SATL1: variants seen among roughly 807,000 people sequenced by gnomAD.
The protein encoded by SATL1 is spermidine/spermine N(1)-acetyltransferase-like protein 1.
SATL1 carries 47 observed loss-of-function variants against 51.8 expected under a neutral mutation model. The observed-to-expected ratio is 0.91, with a 90% CI of 0.72 to 1.16. The LOEUF is 1.16. SATL1 is among the 50% of genes most tolerant of loss of function. The pLI is 0.00. For synonymous variants in SATL1, 176 were observed against 182.4 expected (o/e 0.97, Z 0.28); for missense variants, 520 against 526.4 (o/e 0.99, Z 0.12).
intron 2 of SATL1, among the ~76,000 whole-genome samples, chrX:85,194,466 A>T (rs768080593): frequency 1.6e-4 from 18 of 111,360 alleles, no homozygotes; most frequent in Non-Finnish European, 3.2e-4. Flanking sequence ...TATATTTAAA[A>T]TATAGAATTG....
intron 2 of SATL1, among the ~76,000 whole-genome samples, chrX:85,165,535 C>G (rs900658662): frequency 5.5e-5 from 6 of 109,702 alleles, no homozygotes; most frequent in African/African-American, 2.0e-4. Context: ...CTTCTGAATT[C>G]TTTATCTGGC....
intron 2 of SATL1, among the ~76,000 whole-genome samples, chrX:85,166,344 C>G (rs973773130): frequency 8.9e-6 from 1 of 111,947 alleles, no homozygotes; most frequent in Non-Finnish European, 1.9e-5. Context: ...AGACAACCAA[C>G]AGAGTGGGAT....
chrX:85,221,067 A>G (rs953837621), intron 2 of SATL1, among the ~76,000 whole-genome samples: 2 of 111,404 alleles, frequency 1.8e-5, no homozygotes, highest in Non-Finnish European at 3.8e-5. Flanking sequence ...TTTAATATAC[A>G]TGCCTAGTCT....
chrX:85,185,805 C>T (rs1258937304), intron 2 of SATL1, among the ~76,000 whole-genome samples: 1 of 110,665 alleles, frequency 9.0e-6, no homozygotes, highest in Non-Finnish European at 1.9e-5. Flanking sequence ...CAGGAGCCCA[C>T]TTGGTGCTCT....
chrX:85,142,345 G>A (rs766728295), intron 2 of SATL1, among the ~76,000 whole-genome samples: 44 of 98,226 alleles, frequency 4.5e-4, no homozygotes, highest in Admixed American at 8.1e-4. Flanking sequence ...GCAGTGAGCC[G>A]AGATCACACC....
At chrX:85,137,331 G>GATGA (rs1346800075) in intron 2 of SATL1, among the ~76,000 whole-genome samples, 1 of 111,501 alleles carries the variant, frequency 9.0e-6, no homozygotes, top group Non-Finnish European at 1.9e-5. Flanking sequence ...AATTGAAAGA[G>GATGA]ATGACTAAGA....
chrX:85,124,370 C>T (rs1467167518), intron 2 of SATL1, among the ~76,000 whole-genome samples: 2 of 111,911 alleles, frequency 1.8e-5, no homozygotes, highest in Non-Finnish European at 3.8e-5. Context: ...AATTCTGTGA[C>T]ATTAGAAATG....
At chrX:85,178,647 CA>C (rs748854565) in intron 2 of SATL1, among the ~76,000 whole-genome samples, 105 of 101,390 alleles carry the variant, frequency 1.0e-3, no homozygotes, top group Non-Finnish European at 1.8e-3. Context: ...AACAAACAAA[CA>C]AAAAAAAACA....
chrX:85,125,034 C>A (rs958570887), intron 2 of SATL1, among the ~76,000 whole-genome samples: 6 of 110,521 alleles, frequency 5.4e-5, no homozygotes, highest in African/African-American at 2.0e-4. Flanking sequence ...CAGTTTCTCT[C>A]TCACTCAAGG....
chrX:85,180,151 A>T (rs1927170676), intron 2 of SATL1, among the ~76,000 whole-genome samples: 1 of 111,246 alleles, frequency 9.0e-6, no homozygotes, highest in Non-Finnish European at 1.9e-5. Flanking sequence ...GTCAAAAAGG[A>T]TTTAAATAGT....
At chrX:85,206,274 A>G (rs1361073872) in intron 2 of SATL1, among the ~76,000 whole-genome samples, 2 of 111,546 alleles carry the variant, frequency 1.8e-5, no homozygotes, top group African/African-American at 6.5e-5. Flanking sequence ...CAGAGTATAG[A>G]TTCAGAGGAA....
chrX:85,154,352 G>C (rs989934578), intron 2 of SATL1, among the ~76,000 whole-genome samples: 1 of 111,476 alleles, frequency 9.0e-6, no homozygotes, highest in Non-Finnish European at 1.9e-5. Flanking sequence ...CAATAGACTT[G>C]CTCTAATCTG....
In SATL1 at chrX:85,093,208, C is replaced by T; in HGVS notation, c.1894G>A (p.Glu632Lys). The T allele has an allele frequency of 8.6e-7, 1 of 1,164,809 alleles. No homozygotes were observed. The highest frequency in any genetic ancestry group is 1.1e-6 in the Non-Finnish European group (1 of 870,698). ...ACCTGACTTAGCCTCTTCAGCATTT[C>T]AGCTCCAATACCTAGGCCTTTTAAA... is the stretch of plus-strand genomic sequence containing the variant. ...QAYQGLGIGA[E>K]MLKRLSQIAI... is the part of the protein sequence containing the mutation. Residue 632 changes from glutamate to lysine, a missense_variant, in exon 7 of 8, where the codon GAA (glutamate) becomes AAA (lysine). Transcript: ENST00000644105.
At chrX:85,223,328 T>C (rs1166060423) in intron 2 of SATL1, among the ~76,000 whole-genome samples, 3 of 111,515 alleles carry the variant, frequency 2.7e-5, no homozygotes, top group Non-Finnish European at 5.6e-5. Flanking sequence ...AGTGCCTGGC[T>C]GCGAATTTCA....
intron 2 of SATL1, among the ~76,000 whole-genome samples, chrX:85,201,406 T>C (rs1400345091): frequency 9.0e-6 from 1 of 111,335 alleles, no homozygotes; most frequent in Admixed American, 9.6e-5. Flanking sequence ...TATACCCTGA[T>C]CTATTGTAAG....
intron 2 of SATL1, among the ~76,000 whole-genome samples, chrX:85,137,100 C>A (rs923325347): frequency 1.7e-4 from 19 of 111,121 alleles, no homozygotes; most frequent in African/African-American, 5.6e-4. Flanking sequence ...GGCTCAGGAA[C>A]ACATATGGAA....
chrX:85,133,167 G>T (rs1266034924), intron 2 of SATL1, among the ~76,000 whole-genome samples: 2 of 111,909 alleles, frequency 1.8e-5, no homozygotes, highest in African/African-American at 3.2e-5. Context: ...ACACCATGCT[G>T]GGAGAACCAC....
chrX:85,121,949 A>G (rs1831043990), intron 2 of SATL1, among the ~76,000 whole-genome samples: 1 of 109,836 alleles, frequency 9.1e-6, no homozygotes, highest in South Asian at 3.9e-4. Context: ...ATGTATACAT[A>G]TATCAGAACA....
chrX:85,118,703 CT>C (rs1448050267), intron 2 of SATL1, among the ~76,000 whole-genome samples: 2 of 110,986 alleles, frequency 1.8e-5, no homozygotes, highest in East Asian at 5.7e-4. Context: ...GTCATAGTTG[CT>C]TTTTTTCACT....
Sources: allele counts gnomAD v4.1 joint callset (sites outside exome capture counted in the v4.1 genomes callset), GRCh38; gene constraint gnomAD v4.1.1; transcripts MANE v1.5; gene names NCBI Gene and HGNC (gene_info 2026-07-23, HGNC 2026-07-21).